SPAG17: variants seen among roughly 807,000 people sequenced by gnomAD.
SPAG17 encodes the protein sperm-associated antigen 17.
SPAG17 carries 169 observed loss-of-function variants against 273.6 expected under a neutral mutation model. The ratio of observed to expected loss-of-function variants is 0.62; its 90% confidence interval spans 0.55 to 0.70. SPAG17 has a LOEUF of 0.70. SPAG17 is among the 30% of genes least tolerant of loss of function. The pLI is 0.00. For missense variants in SPAG17, 2,557 were observed against 2,627.8 expected (o/e 0.97, Z 0.59); for synonymous variants, 825 against 873.2 (o/e 0.94, Z 0.97).
intron 43 of SPAG17, among the ~76,000 whole-genome samples, chr1:117,978,662 C>T (rs140657148): frequency 4.1e-4 from 63 of 152,222 alleles, no homozygotes; most frequent in African/African-American, 1.4e-3. Context: ...TATCTATTAC[C>T]CACTTCACTT....
chr1:118,032,083 C>A (rs1643381640), intron 24 of SPAG17, among the ~76,000 whole-genome samples: 1 of 152,210 alleles, frequency 6.6e-6, no homozygotes, highest in South Asian at 2.1e-4. Context: ...CTTGGATATG[C>A]CTCACTGAAT....
intron 4 of SPAG17, among the ~76,000 whole-genome samples, chr1:118,103,028 C>T (rs575703232): frequency 1.3e-5 from 2 of 152,332 alleles, no homozygotes; most frequent in Admixed American, 1.3e-4. Flanking sequence ...TCAAGTGTCA[C>T]TCACAGCCTG....
At chr1:118,116,117 C>T (rs929192388) in intron 3 of SPAG17, among the ~76,000 whole-genome samples, 36 of 152,246 alleles carry the variant, frequency 2.4e-4, no homozygotes, top group African/African-American at 8.4e-4. Context: ...TGTTTTATGA[C>T]TGTGTTTTTT....
intron 1 of SPAG17, among the ~76,000 whole-genome samples, chr1:118,161,569 G>C (rs1467600500): frequency 2.6e-5 from 4 of 151,572 alleles, no homozygotes; most frequent in African/African-American, 4.9e-5. Flanking sequence ...ACGTAGTCTC[G>C]CTCTGTCGCC....
intron 15 of SPAG17, among the ~76,000 whole-genome samples, chr1:118,075,836 T>G (rs909286077): frequency 6.6e-6 from 1 of 152,120 alleles, no homozygotes; most frequent in Non-Finnish European, 1.5e-5. Flanking sequence ...CCCTTAGCTG[T>G]TCACCTTTTT....
At chr1:118,061,086 C>A (rs1652241239) in intron 18 of SPAG17, among the ~76,000 whole-genome samples, 1 of 151,942 alleles carries the variant, frequency 6.6e-6, no homozygotes, top group Non-Finnish European at 1.5e-5. Flanking sequence ...AAACTGGAAC[C>A]CTTATATATG....
intron 44 of SPAG17, 55 bp downstream of exon 44, chr1:117,973,366 TAAAG>T (rs1438794660): frequency 1.3e-6 from 2 of 1,498,820 alleles, no homozygotes; most frequent in Non-Finnish European, 1.8e-6. Context: ...AAATAAAAAA[TAAAG>T]AATTCCATCA....
chr1:118,025,408 C>T lies in SPAG17; in HGVS notation c.3739G>A (p.Val1247Ile). 6.5e-7 allele frequency: 1 copy of T among 1,543,222 alleles called. No homozygotes were observed. The highest frequency in any genetic ancestry group is 8.7e-7 in the Non-Finnish European group (1 of 1,148,384). ...TCCCAGGTGGGTTCCTCATCTATAA[C>T]ATATTGACCTAAAAAAAGAATAAAG... ...FIGQESTGQY[V>I]IDEEPTWDIM... Residue 1247 changes from valine to isoleucine, a missense_variant, in exon 27 of 49, where the codon GTT (valine) becomes ATT (isoleucine). Transcript: ENST00000336338.
At chr1:118,045,327 G>A (rs1650228864) in intron 20 of SPAG17, among the ~76,000 whole-genome samples, 2 of 152,214 alleles carry the variant, frequency 1.3e-5, no homozygotes, top group African/African-American at 4.8e-5. Context: ...TCAGGAGGGA[G>A]GAGGAGCCAG....
intron 28 of SPAG17, among the ~76,000 whole-genome samples, chr1:118,022,742 G>A (rs988724030): frequency 1.3e-5 from 2 of 152,072 alleles, no homozygotes; most frequent in Non-Finnish European, 2.9e-5. Flanking sequence ...GGCCAAAAAT[G>A]TCAGATACTT....
At chr1:118,036,650 A>G in intron 24 of SPAG17, 120 bp downstream of exon 24, 2 of 682,220 alleles carry the variant, frequency 2.9e-6, no homozygotes, top group East Asian at 2.8e-5. Flanking sequence ...TCCTGCAGGA[A>G]AAACAATGAG....
Position 118,041,883 on chromosome 1 carries a change from T to A in SPAG17, c.2974A>T (p.Lys992Ter). ...ATCTTGACTTGTTCTTCTTTAGATT[T>A]CTCCTTGTAAGGTGATTTTTTCTTC... The part of the protein sequence containing the change: ...SLKKKSPYKE[K>*]SKEEQVKIQE... Residue 992 changes from lysine (K) to a stop codon, truncating the protein, a stop_gained, in exon 21 of 49, where the codon AAA becomes TAA. Coordinates refer to ENST00000336338, the MANE Select transcript of SPAG17 (RefSeq NM_206996.4). LOFTEE classifies it high-confidence loss of function. 6.2e-7 allele frequency: 1 copy of A among 1,613,934 alleles called. No individual in the cohort carries two copies. Among genetic ancestry groups the A allele is most frequent in the Non-Finnish European group, 8.5e-7 (1 of 1,179,864 alleles).
chr1:117,982,403 G>A (rs1203445364), intron 42 of SPAG17, among the ~76,000 whole-genome samples: 2 of 151,940 alleles, frequency 1.3e-5, no homozygotes, highest in Non-Finnish European at 2.9e-5. Context: ...CACCACGCCT[G>A]GCTAATTTTT....
chr1:118,029,594 G>C (rs1034584895), intron 25 of SPAG17, among the ~76,000 whole-genome samples: 1 of 152,016 alleles, frequency 6.6e-6, no homozygotes, highest in African/African-American at 2.4e-5. Context: ...AATTAATGAG[G>C]GTTTGGGTGT....
chr1:117,989,269 G>T (rs1339006948), intron 38 of SPAG17, among the ~76,000 whole-genome samples: 1 of 152,110 alleles, frequency 6.6e-6, no homozygotes, highest in Non-Finnish European at 1.5e-5. Context: ...TCACAATTCT[G>T]CAGGCTGTGC....
chr1:118,014,494 T>G (rs976769896), intron 29 of SPAG17, among the ~76,000 whole-genome samples: 6 of 152,102 alleles, frequency 3.9e-5, no homozygotes, highest in Non-Finnish European at 7.3e-5. Flanking sequence ...TTAAAAAACC[T>G]CGGGAAACAA....
At chr1:118,116,402 T>C (rs1657081304) in intron 3 of SPAG17, among the ~76,000 whole-genome samples, 1 of 152,178 alleles carries the variant, frequency 6.6e-6, no homozygotes. Context: ...GAATTAGGTG[T>C]TACTAAAATG....
intron 10 of SPAG17, among the ~76,000 whole-genome samples, chr1:118,090,762 T>C (rs974828004): frequency 4.6e-5 from 7 of 152,094 alleles, no homozygotes; most frequent in African/African-American, 1.7e-4. Context: ...TGGTGCATGC[T>C]TGTAGTTCTA....
At chr1:117,959,183 G>A (rs2101324208) in intron 48 of SPAG17, 15 of 1,415,632 alleles carry the variant, frequency 1.1e-5, no homozygotes, top group Non-Finnish European at 1.4e-5. Flanking sequence ...CTTAATGAGG[G>A]AAAGATAAGT....
Sources: gnomAD v4.1 joint callset for allele counts (sites outside exome capture counted in the v4.1 genomes callset) on GRCh38, gnomAD v4.1.1 for gene constraint, MANE v1.5 for transcripts, NCBI Gene and HGNC (gene_info 2026-07-23, HGNC 2026-07-21) for gene names.